NCCRP1: variants seen among roughly 807,000 people sequenced by gnomAD.
NCCRP1 encodes NCCRP1, F-box associated domain containing, also known as F-box only protein 50.
In NCCRP1, 32 loss-of-function variants were observed where a neutral mutation model predicts 34.4. That is an observed-to-expected ratio of 0.93 (90% CI 0.70 to 1.25). The LOEUF is 1.25. NCCRP1 is among the 50% of genes most tolerant of loss of function. The pLI, the probability that NCCRP1 is intolerant of heterozygous loss-of-function variation, is 0.00. For missense variants in NCCRP1, 372 were observed against 391.8 expected, an observed-to-expected ratio of 0.95 and a Z score of 0.43; for synonymous variants, 172 against 180.1, an observed-to-expected ratio of 0.95 and a Z score of 0.36.
In NCCRP1 at chr19:39,201,166, T is replaced by C. The variant is rs1370475889; in HGVS notation, c.*410T>C. On this transcript the variant is annotated 3_prime_UTR_variant, in exon 6 of 6. Transcript: ENST00000339852. ...CAGCAAATGTGTGTTGAAAGGGGAA[T>C]GAAGCCATTCACTTCACTCAGTTCC... 1 of 190,970 alleles carries C rather than the reference T, an allele frequency of 5.2e-6. No homozygotes were observed. Among genetic ancestry groups the C allele is most frequent in the African/African-American group, 2.4e-5 (1 of 42,368 alleles). 11.8% of individuals were successfully genotyped at this position (190,970 alleles called of 1,614,324 possible).
chr19:39,201,072 A>G lies in NCCRP1; in HGVS notation c.*316A>G, dbSNP rs1208004980. 3 of 284,792 alleles carry G rather than the reference A, an allele frequency of 1.1e-5. No individual in the cohort carries two copies. The highest frequency in any genetic ancestry group is 5.1e-5 in the Admixed American group (1 of 19,588). The allele number at this position is 284,792 out of a possible 1,614,324, so 17.6% of individuals were successfully genotyped here. Reference sequence around the variant, plus strand: ...GCTGGTCTCTGCTTCTTTGAACTTCACTGAAACTGAATGCTCACTGCTGTG... The same window carrying G: ...GCTGGTCTCTGCTTCTTTGAACTTCGCTGAAACTGAATGCTCACTGCTGTG... On this transcript the variant is annotated 3_prime_UTR_variant, in exon 6 of 6. Transcript: ENST00000339852.
At position 39,200,706 on chromosome 19, in the gene NCCRP1, C is replaced by T. The variant is rs772826705; in HGVS notation, c.778C>T (p.Arg260Trp). Residue 260 changes from arginine (R) to tryptophan (W), a missense_variant, in exon 6 of 6, where the codon CGG (arginine) becomes TGG (tryptophan). Arg to Trp is a moderately radical substitution (Grantham distance 101, BLOSUM62 -3). Coordinates refer to ENST00000339852, the MANE Select transcript of NCCRP1 (RefSeq NM_001001414.2). This position sits in a 1 kb window ranked among gnomAD's most constrained non-coding sequence, Gnocchi z 5.8. ...GAACCGCATGGAGCCTGGTGGGCTG[C>T]GGCGGACACGGGTGACCGACTCCTC... ...AKNRMEPGGLRRTRVTDSSVS... is the reference protein window; with the variant it reads ...AKNRMEPGGLWRTRVTDSSVS... 1.8e-5 allele frequency: 29 copies of T among 1,613,608 alleles called. No individual in the cohort carries two copies. The highest frequency in any genetic ancestry group is 1.2e-4 in the South Asian group (11 of 91,084).
In NCCRP1 at chr19:39,201,618, G is replaced by A. The variant is rs924282416; in HGVS notation, c.*862G>A. 3 of 152,114 alleles carry A rather than the reference G, an allele frequency of 2.0e-5. No homozygotes were observed. Among genetic ancestry groups the A allele is most frequent in the Admixed American group, 1.3e-4 (2 of 15,246 alleles). 9.4% of individuals were successfully genotyped at this position (152,114 alleles called of 1,614,324 possible). On this transcript the variant is annotated 3_prime_UTR_variant, in exon 6 of 6. Transcript: ENST00000339852. ...GAGTCACTGCGCCCAGCCATTCCAT[G>A]TCTCTTAAGTCTCAGAATCTCCCCT...
intron 4 of NCCRP1, among the ~76,000 whole-genome samples, chr19:39,199,830 A>G (rs1342391347): frequency 6.6e-6 from 1 of 151,654 alleles, no homozygotes; most frequent in Non-Finnish European, 1.5e-5. Flanking sequence ...TATTTCTTAA[A>G]AGCCTGTCAC....
rs943689943 is a variant in NCCRP1, at chr19:39,197,078, T to C, written c.96T>C (p.Pro32=). 1 of 1,529,328 alleles carries C rather than the reference T, an allele frequency of 6.5e-7. No individual in the cohort carries two copies. The highest frequency in any genetic ancestry group is 1.4e-5 in the African/African-American group (1 of 71,996). The allele number at this position is 1,529,328 out of a possible 1,614,324, so 94.7% of individuals were successfully genotyped here. The change falls in exon 1 of 6, where the codon CCT becomes CCC. Residue 32 remains proline (P), a synonymous_variant. Coordinates refer to ENST00000339852, the MANE Select transcript of NCCRP1 (RefSeq NM_001001414.2). ...LQELPPSPRS[P]SPPPSPPPLP... is the part of the protein sequence containing the mutation. ...AGCTGCCTCCCTCGCCACGGTCGCC[T>C]TCACCGCCGCCGTCGCCGCCACCAC...
rs1254670551 is a variant in NCCRP1, at chr19:39,201,574, G to A, written c.*818G>A. 1 of 152,220 alleles carries A rather than the reference G, an allele frequency of 6.6e-6. No homozygotes were observed. The highest frequency in any genetic ancestry group is 1.5e-5 in the Non-Finnish European group (1 of 68,080). The allele number at this position is 152,220 out of a possible 1,614,324, so 9.4% of individuals were successfully genotyped here. On this transcript the variant is annotated 3_prime_UTR_variant, in exon 6 of 6. Coordinates refer to ENST00000339852, the MANE Select transcript of NCCRP1 (RefSeq NM_001001414.2). ...GATCTGCCCACCTTGGCTTCCCAAAGTGCTGGGATTGCAGACGTGAGTCAC... is the reference window on the plus strand; with the variant it reads ...GATCTGCCCACCTTGGCTTCCCAAAATGCTGGGATTGCAGACGTGAGTCAC...
chr19:39,198,969 C>T, intron 3 of NCCRP1, among the ~76,000 whole-genome samples: 1 of 152,202 alleles, frequency 6.6e-6, no homozygotes, highest in Non-Finnish European at 1.5e-5. Flanking sequence ...CATCCTCAGC[C>T]TCAGGTTCCT....
In NCCRP1 at chr19:39,200,682, A is replaced by G. The variant is rs1325791002; in HGVS notation, c.754A>G (p.Asn252Asp). The G allele has an allele frequency of 6.2e-7, 1 of 1,614,092 alleles. No homozygotes were observed. Among genetic ancestry groups the G allele is most frequent in the Non-Finnish European group, 8.5e-7 (1 of 1,180,028 alleles). ...TATCCACTTCCTGCACAAGGCCAAG[A>G]ACCGCATGGAGCCTGGTGGGCTGCG... ...RFIHFLHKAKNRMEPGGLRRT... is the reference protein window; with the variant it reads ...RFIHFLHKAKDRMEPGGLRRT... The change falls in exon 6 of 6, where the codon AAC (asparagine) becomes GAC (aspartate). Residue 252 changes from asparagine to aspartate, a missense_variant. Transcript: ENST00000339852. The surrounding 1 kb of genome is among the most constrained non-coding windows in gnomAD (Gnocchi z 5.8).
At position 39,201,159 on chromosome 19, in the gene NCCRP1, A is replaced by G. The variant is rs374920670; in HGVS notation, c.*403A>G. 157 of 193,740 alleles carry G rather than the reference A, an allele frequency of 8.1e-4. 1 individual carries two copies. Among genetic ancestry groups the G allele is most frequent in the African/African-American group, 3.1e-3 (133 of 42,594 alleles). The allele number at this position is 193,740 out of a possible 1,614,324, so 12.0% of individuals were successfully genotyped here. ...TGGGTGGCAGCAAATGTGTGTTGAA[A>G]GGGGAATGAAGCCATTCACTTCACT... On this transcript the variant is annotated 3_prime_UTR_variant, in exon 6 of 6. Coordinates refer to ENST00000339852, the MANE Select transcript of NCCRP1 (RefSeq NM_001001414.2).
chr19:39,197,009 G>T lies in NCCRP1; in HGVS notation c.27G>T (p.Ala9=). 6.5e-7 allele frequency: 1 copy of T among 1,535,724 alleles called. No homozygotes were observed. Reference sequence around the variant, plus strand: ...TGGAGGAGGTGCGTGAGGGACACGCGCTCGGTGGCGGGATGGAAGCCGATG... The same window carrying T: ...TGGAGGAGGTGCGTGAGGGACACGCTCTCGGTGGCGGGATGGAAGCCGATG... MEEVREGH[A]LGGGMEADGP... The change falls in exon 1 of 6, where the codon GCG becomes GCT. Residue 9 remains alanine (A), a synonymous_variant. Transcript: ENST00000339852.
Position 39,200,562 on chromosome 19 carries a change from G to T in NCCRP1, c.688-54G>T. 6.2e-7 allele frequency: 1 copy of T among 1,611,140 alleles called. No individual in the cohort carries two copies. The highest frequency in any genetic ancestry group is 8.5e-7 in the Non-Finnish European group (1 of 1,178,718). On this transcript the variant is annotated intron_variant, in intron 5 of 5. Coordinates refer to ENST00000339852, the MANE Select transcript of NCCRP1 (RefSeq NM_001001414.2). The surrounding 1 kb of genome is among the most constrained non-coding windows in gnomAD (Gnocchi z 5.8). ...AGACCTCACAGAGGGAGGAGAACAG[G>T]TCCGCGGGTCCTCAAAAAGGGCTCC...
Position 39,198,192 on chromosome 19 carries a change from C to T in NCCRP1, c.401-10C>T. The T allele has an allele frequency of 6.2e-7, 1 of 1,614,184 alleles. No individual in the cohort carries two copies. Among genetic ancestry groups the T allele is most frequent in the Non-Finnish European group, 8.5e-7 (1 of 1,180,036 alleles). ...TGGGGTGTCCTAACCCTTTGCTCCC[C>T]AACCTGCAGGCAATTTCCGTGGCTG... On this transcript the variant is annotated splice_polypyrimidine_tract_variant and intron_variant, in intron 2 of 5. Transcript: ENST00000339852.
Position 39,200,632 on chromosome 19 carries a change from G to T in NCCRP1, c.704G>T (p.Arg235Leu). The change falls in exon 6 of 6, where the codon CGC becomes CTC. Residue 235 changes from arginine (R) to leucine (L), a missense_variant. Arg to Leu is a moderately radical substitution (Grantham distance 102, BLOSUM62 -2). Coordinates refer to ENST00000339852, the MANE Select transcript of NCCRP1 (RefSeq NM_001001414.2). This position sits in a 1 kb window ranked among gnomAD's most constrained non-coding sequence, Gnocchi z 5.8. ...TCACCACAGGTGTCCCACGTATTCC[G>T]CCATTATGGTCCCGGTGTGCGCTTT... ...GRWVQVSHVF[R>L]HYGPGVRFIH... The T allele has an allele frequency of 1.9e-6, 3 of 1,614,008 alleles. No individual in the cohort carries two copies. Among genetic ancestry groups the T allele is most frequent in the Non-Finnish European group, 1.7e-6 (2 of 1,179,994 alleles).
Position 39,201,041 on chromosome 19 carries a change from C to T in NCCRP1, c.*285C>T. 2.6e-6 allele frequency: 1 copy of T among 377,780 alleles called. No homozygotes were observed. The highest frequency in any genetic ancestry group is 4.7e-6 in the Non-Finnish European group (1 of 210,858). The allele number at this position is 377,780 out of a possible 1,614,324, so 23.4% of individuals were successfully genotyped here. On this transcript the variant is annotated 3_prime_UTR_variant, in exon 6 of 6. Coordinates refer to ENST00000339852, the MANE Select transcript of NCCRP1 (RefSeq NM_001001414.2). ...GCATAGACACCTGTGCCCAAGGATGCTGAGGGCTGGTCTCTGCTTCTTTGA... is the reference window on the plus strand; with the variant it reads ...GCATAGACACCTGTGCCCAAGGATGTTGAGGGCTGGTCTCTGCTTCTTTGA...
At chr19:39,197,373 C>T (rs913200782) in intron 1 of NCCRP1, 54 bp downstream of exon 1, 1 of 1,323,680 alleles carries the variant, frequency 7.6e-7, no homozygotes, top group East Asian at 3.0e-5. Context: ...TCTGTCTCTT[C>T]CTCTTTCCCT....
intron 1 of NCCRP1, 82 bp from the exon 2 acceptor site, chr19:39,197,971 G>A (rs568360094): frequency 1.3e-6 from 2 of 1,498,712 alleles, no homozygotes; most frequent in South Asian, 2.3e-5. Flanking sequence ...CCCTTCCAGT[G>A]TATAGCCCTG....
At position 39,197,191 on chromosome 19, in the gene NCCRP1, G is replaced by C; in HGVS notation, c.209G>C (p.Arg70Pro). The C allele has an allele frequency of 7.0e-7, 1 of 1,427,344 alleles. No individual in the cohort carries two copies. Among genetic ancestry groups the C allele is most frequent in the Non-Finnish European group, 9.1e-7 (1 of 1,104,536 alleles). 88.4% of individuals were successfully genotyped at this position (1,427,344 alleles called of 1,614,324 possible). The part of the protein sequence containing the change: ...EPAQPSEAHA[R>P]QLLLEEWGPL... ...GCGCAGCCGTCCGAGGCTCACGCCC[G>C]GCAGCTGCTGCTGGAGGAGTGGGGG... The change falls in exon 1 of 6, where the codon CGG (arginine) becomes CCG (proline). Residue 70 changes from arginine to proline, a missense_variant. Coordinates refer to ENST00000339852, the MANE Select transcript of NCCRP1 (RefSeq NM_001001414.2).
In NCCRP1 at chr19:39,197,087, G is replaced by A; in HGVS notation, c.105G>A (p.Pro35=). 1.3e-6 allele frequency: 2 copies of A among 1,528,702 alleles called. No individual in the cohort carries two copies. Among genetic ancestry groups the A allele is most frequent in the South Asian group, 1.2e-5 (1 of 83,760 alleles). The allele number at this position is 1,528,702 out of a possible 1,614,324, so 94.7% of individuals were successfully genotyped here. A position where few individuals can be genotyped will look rare whatever the true frequency, so the allele number is the denominator to read the frequency against. Residue 35 remains proline (P), a synonymous_variant, in exon 1 of 6, where the codon CCG becomes CCA. Coordinates refer to ENST00000339852, the MANE Select transcript of NCCRP1 (RefSeq NM_001001414.2). The part of the protein sequence containing the change: ...LPPSPRSPSP[P]PSPPPLPSPP... Reference sequence around the variant, plus strand: ...CCTCGCCACGGTCGCCTTCACCGCCGCCGTCGCCGCCACCACTGCCCTCGC... The same window carrying A: ...CCTCGCCACGGTCGCCTTCACCGCCACCGTCGCCGCCACCACTGCCCTCGC...
At position 39,200,613 on chromosome 19, in the gene NCCRP1, C is replaced by A. The variant is rs376755212; in HGVS notation, c.688-3C>A. 3.0e-5 allele frequency: 49 copies of A among 1,613,872 alleles called. No homozygotes were observed. The highest frequency in any genetic ancestry group is 3.7e-5 in the Non-Finnish European group (44 of 1,179,954). ...TCCCTAACCCCAGGTGCTGTCACCA[C>A]AGGTGTCCCACGTATTCCGCCATTA... On this transcript the variant is annotated splice_region_variant and splice_polypyrimidine_tract_variant and intron_variant, in intron 5 of 5. Coordinates refer to ENST00000339852, the MANE Select transcript of NCCRP1 (RefSeq NM_001001414.2). This position sits in a 1 kb window ranked among gnomAD's most constrained non-coding sequence, Gnocchi z 5.8.
Sources: allele counts gnomAD v4.1 joint callset (sites outside exome capture counted in the v4.1 genomes callset), GRCh38; gene constraint gnomAD v4.1.1; non-coding constraint Gnocchi (gnomAD v3.1); transcripts MANE v1.5; gene names NCBI Gene and HGNC (gene_info 2026-07-23, HGNC 2026-07-21).